RBFOX1: variants seen among roughly 807,000 people sequenced by gnomAD.
RBFOX1 encodes the protein RNA binding fox-1 homolog 1.
Under a neutral mutation model 57.7 loss-of-function variants are expected in RBFOX1, and 8 were observed. That is an observed-to-expected ratio of 0.14 (90% confidence interval 0.08 to 0.25). RBFOX1 has a LOEUF of 0.25. RBFOX1 is among the 10% of genes least tolerant of loss of function. The pLI is 1.00. For synonymous variants in RBFOX1, 326 were observed against 222.4 expected, an observed-to-expected ratio of 1.47 and a Z score of -4.15; for missense variants, 611 against 548.5, an observed-to-expected ratio of 1.11 and a Z score of -1.14.
chr16:6,996,660 C>G (rs1013603487), intron 3 of RBFOX1, among the ~76,000 whole-genome samples: 9 of 152,150 alleles, frequency 5.9e-5, no homozygotes, highest in Non-Finnish European at 1.2e-4. Context: ...ATTAGTTTGT[C>G]TGAGGTCACA....
intron 3 of RBFOX1, among the ~76,000 whole-genome samples, chr16:6,917,809 C>T (rs954516437): frequency 6.6e-6 from 1 of 152,158 alleles, no homozygotes; most frequent in Non-Finnish European, 1.5e-5. Context: ...CTTCAGCTGC[C>T]TCTTAGAGAA....
intron 3 of RBFOX1, among the ~76,000 whole-genome samples, chr16:6,963,669 G>A (rs1162015848): frequency 6.6e-6 from 1 of 152,034 alleles, no homozygotes; most frequent in East Asian, 1.9e-4. Flanking sequence ...GGATGAAGAG[G>A]CAGAGCATAG....
chr16:7,527,952 G>T (rs2079069643), intron 5 of RBFOX1, among the ~76,000 whole-genome samples: 1 of 152,170 alleles, frequency 6.6e-6, no homozygotes, highest in Admixed American at 6.5e-5. Flanking sequence ...TTATTTTAAA[G>T]GTAATTTTGT....
intron 4 of RBFOX1, among the ~76,000 whole-genome samples, chr16:5,956,702 C>A (rs1279565997): frequency 8.1e-6 from 1 of 122,986 alleles, no homozygotes; most frequent in Non-Finnish European, 1.6e-5. Flanking sequence ...ACAGTCTCAT[C>A]CTGTCACCCA....
At chr16:6,165,392 A>G (rs2096909783) in intron 1 of RBFOX1, among the ~76,000 whole-genome samples, 1 of 152,196 alleles carries the variant, frequency 6.6e-6, no homozygotes, top group Admixed American at 6.5e-5. Context: ...TCCACGTGGC[A>G]TGAGTTACAG....
chr16:6,135,819 C>G (rs1340260123), intron 1 of RBFOX1, among the ~76,000 whole-genome samples: 8 of 114,060 alleles, frequency 7.0e-5, no homozygotes, highest in Admixed American at 3.3e-4. Context: ...TTTTGAGACA[C>G]AGTCTTGCTC....
intron 1 of RBFOX1, among the ~76,000 whole-genome samples, chr16:6,223,074 C>G (rs2097387804): frequency 6.7e-6 from 1 of 148,942 alleles, no homozygotes; most frequent in Middle Eastern, 3.4e-3. Flanking sequence ...TGTATATGTG[C>G]CACATTTTCT....
chr16:6,495,740 C>T (rs1252822162), intron 2 of RBFOX1, among the ~76,000 whole-genome samples: 2 of 152,160 alleles, frequency 1.3e-5, no homozygotes, highest in Non-Finnish European at 2.9e-5. Flanking sequence ...TTTAACAGCT[C>T]TCAATAGCAG....
chr16:5,997,508 A>T (rs887783240), intron 4 of RBFOX1, among the ~76,000 whole-genome samples: 2 of 152,220 alleles, frequency 1.3e-5, no homozygotes, highest in African/African-American at 4.8e-5. Flanking sequence ...ATAATGTGGC[A>T]CACACCTGTA....
chr16:6,508,549 A>G (rs180749303), intron 2 of RBFOX1, among the ~76,000 whole-genome samples: 2 of 152,262 alleles, frequency 1.3e-5, no homozygotes, highest in East Asian at 3.9e-4. Context: ...GAGAGAAAAA[A>G]TGACTGTTGT....
At chr16:7,257,447 G>T (rs1376465346) in intron 4 of RBFOX1, among the ~76,000 whole-genome samples, 1 of 152,060 alleles carries the variant, frequency 6.6e-6, no homozygotes, top group Non-Finnish European at 1.5e-5. Flanking sequence ...AACTGAAATA[G>T]CAGCCACTGG....
intron 1 of RBFOX1, among the ~76,000 whole-genome samples, chr16:6,056,238 G>C (rs1293397074): frequency 6.6e-6 from 1 of 152,184 alleles, no homozygotes; most frequent in Non-Finnish European, 1.5e-5. Flanking sequence ...TGGACAAAGT[G>C]AATGTGGGGG....
In RBFOX1 at chr16:6,722,184, C is replaced by G. The variant is rs75662065; in HGVS notation, c.-16+67534C>G. 8.9e-4 allele frequency among the ~76,000 whole-genome samples: 135 copies of G among 152,294 alleles called. 1 individual carries two copies. Among genetic ancestry groups the G allele is most frequent in the African/African-American group, 3.0e-3 (126 of 41,564 alleles). On this transcript the variant is annotated intron_variant, in intron 3 of 15. Transcript: ENST00000550418. ...ATACCCAAAAATGGAATTACCAGAT[C>G]ATGTGATATTTCTAGTTTTAAGTTT...
At chr16:7,501,901 T>C (rs1428199129) in intron 4 of RBFOX1, among the ~76,000 whole-genome samples, 1 of 152,214 alleles carries the variant, frequency 6.6e-6, no homozygotes, top group East Asian at 1.9e-4. Flanking sequence ...GGGCTATGTC[T>C]ACCTTATTCA....
intron 4 of RBFOX1, among the ~76,000 whole-genome samples, chr16:7,351,931 C>T (rs1361530296): frequency 6.6e-6 from 1 of 152,164 alleles, no homozygotes; most frequent in Non-Finnish European, 1.5e-5. Context: ...GAAAAGCCCA[C>T]AGTGACCCTC....
intron 4 of RBFOX1, among the ~76,000 whole-genome samples, chr16:5,962,906 T>C (rs2059777810): frequency 6.6e-6 from 1 of 151,636 alleles, no homozygotes; most frequent in South Asian, 2.1e-4. Context: ...ATAGGGCTTA[T>C]CTTTGGGACT....
intron 3 of RBFOX1, among the ~76,000 whole-genome samples, chr16:6,741,434 C>T (rs1362386499): frequency 6.6e-6 from 1 of 152,002 alleles, no homozygotes; most frequent in Non-Finnish European, 1.5e-5. Flanking sequence ...AGGCTGATAG[C>T]AGGTGGATAA....
intron 3 of RBFOX1, among the ~76,000 whole-genome samples, chr16:7,019,763 C>A (rs541230158): frequency 4.6e-5 from 7 of 152,176 alleles, no homozygotes; most frequent in African/African-American, 7.2e-5. Flanking sequence ...GCTTTGCCCA[C>A]CAGGTTTAGC....
At chr16:6,766,338 A>G (rs985435504) in intron 3 of RBFOX1, among the ~76,000 whole-genome samples, 2 of 152,116 alleles carry the variant, frequency 1.3e-5, no homozygotes, top group Non-Finnish European at 2.9e-5. Flanking sequence ...TCAGAGTGGA[A>G]AAGACATAAC....
Sources: allele counts gnomAD v4.1 joint callset (sites outside exome capture counted in the v4.1 genomes callset), GRCh38; gene constraint gnomAD v4.1.1; transcripts MANE v1.5; gene names NCBI Gene and HGNC (gene_info 2026-07-23, HGNC 2026-07-21).